PKHD1: variants seen among roughly 807,000 people sequenced by gnomAD.
PKHD1 encodes fibrocystin.
In PKHD1, 291 loss-of-function variants were observed where a neutral mutation model predicts 412.0. The observed-to-expected ratio is 0.71, with a 90% confidence interval of 0.64 to 0.78. The LOEUF is 0.78. Among genes scored for constraint, PKHD1 ranks in the 30% least tolerant of loss-of-function variants. PKHD1 has a pLI of 0.00. For missense variants in PKHD1, 4,825 were observed against 4,950.7 expected (o/e 0.97, Z 0.76); for synonymous variants, 1,777 against 1,821.5 (o/e 0.98, Z 0.62).
intron 63 of PKHD1, among the ~76,000 whole-genome samples, chr6:51,641,369 C>A (rs1414790529): frequency 3.3e-5 from 5 of 152,154 alleles, no homozygotes. Flanking sequence ...CATCTCACAC[C>A]AGTTAGAATG....
At chr6:52,021,290 A>G (rs1445570272) in intron 33 of PKHD1, among the ~76,000 whole-genome samples, 1 of 152,236 alleles carries the variant, frequency 6.6e-6, no homozygotes, top group Non-Finnish European at 1.5e-5. Flanking sequence ...TTCCCCAAGA[A>G]GTTATAAAAC....
At position 51,912,431 on chromosome 6, in the gene PKHD1, C is replaced by T. The variant is rs1399100600; in HGVS notation, c.6267G>A (p.Pro2089=). Reference sequence around the variant, plus strand: ...TTTCCACAGTGACAATCTCTTCCATCGGTTTGGCACCTTTAACACCTGTTC... The same window carrying T: ...TTTCCACAGTGACAATCTCTTCCATTGGTTTGGCACCTTTAACACCTGTTC... The part of the protein sequence containing the change: ...ISGTGVKGAK[P]MEEIVTVETV... Residue 2089 remains proline (P), a synonymous_variant, in exon 38 of 67, where the codon CCG becomes CCA. Transcript: ENST00000371117. The T allele has an allele frequency of 5.0e-6, 8 of 1,612,942 alleles. No individual in the cohort carries two copies. The highest frequency in any genetic ancestry group is 6.8e-6 in the Non-Finnish European group (8 of 1,179,230).
chr6:51,834,692 T>TA, intron 51 of PKHD1, among the ~76,000 whole-genome samples: 1 of 152,186 alleles, frequency 6.6e-6, no homozygotes, highest in Non-Finnish European at 1.5e-5. Flanking sequence ...TCAGGCAATG[T>TA]CTTGAAAGTA....
intron 45 of PKHD1, among the ~76,000 whole-genome samples, chr6:51,884,354 ACT>A (rs1342288407): frequency 5.3e-5 from 8 of 151,858 alleles, no homozygotes; most frequent in African/African-American, 1.9e-4. Flanking sequence ...TTATCTCCAG[ACT>A]CTCACTTCTA....
At chr6:52,012,983 T>C (rs1799992368) in intron 34 of PKHD1, among the ~76,000 whole-genome samples, 1 of 152,224 alleles carries the variant, frequency 6.6e-6, no homozygotes, top group Non-Finnish European at 1.5e-5. Context: ...TCCTCTTTTT[T>C]TTAGGTTCAT....
At chr6:51,913,002 A>G (rs1783202664) in intron 37 of PKHD1, among the ~76,000 whole-genome samples, 1 of 152,094 alleles carries the variant, frequency 6.6e-6, no homozygotes, top group Non-Finnish European at 1.5e-5. Context: ...TCAATGAAAT[A>G]GTATCTATGA....
intron 60 of PKHD1, among the ~76,000 whole-genome samples, chr6:51,674,630 A>G (rs1330714115): frequency 6.6e-6 from 1 of 152,200 alleles, no homozygotes; most frequent in Non-Finnish European, 1.5e-5. Context: ...GCAAAGTTAA[A>G]TGTAGTCTAA....
chr6:52,043,417 T>C (rs1805253304), intron 26 of PKHD1, among the ~76,000 whole-genome samples: 1 of 152,200 alleles, frequency 6.6e-6, no homozygotes, highest in Non-Finnish European at 1.5e-5. Flanking sequence ...AAAACATTTT[T>C]AGTCATCAAA....
At position 51,800,861 on chromosome 6, in the gene PKHD1, G is replaced by A. The variant is rs1020101365; in HGVS notation, c.8303-9488C>T. Among the ~76,000 whole-genome samples, 3 of 152,192 alleles carry A rather than the reference G, an allele frequency of 2.0e-5. No individual in the cohort carries two copies. The East Asian group carries it at 5.8e-4, about 29-fold the overall frequency. Reference sequence around the variant, plus strand: ...GACTTTGGACACAGCTCAGACTTCTGAGGGAGAGCAATGGCATGCCAGGCA... The same window carrying A: ...GACTTTGGACACAGCTCAGACTTCTAAGGGAGAGCAATGGCATGCCAGGCA... On this transcript the variant is annotated intron_variant, in intron 52 of 66. Transcript: ENST00000371117.
At chr6:51,807,411 C>G (rs1763933382) in intron 52 of PKHD1, among the ~76,000 whole-genome samples, 1 of 138,076 alleles carries the variant, frequency 7.2e-6, no homozygotes, top group South Asian at 2.3e-4. Context: ...ACACTCCAGC[C>G]TGGGCAACAG....
intron 66 of PKHD1, among the ~76,000 whole-genome samples, chr6:51,626,271 T>C (rs889737066): frequency 6.6e-6 from 1 of 152,178 alleles, no homozygotes; most frequent in African/African-American, 2.4e-5. Context: ...ATTGACTCTT[T>C]GGAGTATATG....
intron 29 of PKHD1, among the ~76,000 whole-genome samples, chr6:52,030,516 G>C (rs1361656045): frequency 6.6e-6 from 1 of 152,124 alleles, no homozygotes; most frequent in Non-Finnish European, 1.5e-5. Context: ...GCTGATCAAA[G>C]AAAAAGACAT....
In PKHD1 at chr6:51,857,037, T is replaced by C. The variant is rs75017706; in HGVS notation, c.7734-967A>G. ...CTGAGGCAGGGTAGAGCAAAAGCAATATGTGAGTATCACAAAGTAGAACTC... is the reference window on the plus strand; with the variant it reads ...CTGAGGCAGGGTAGAGCAAAAGCAACATGTGAGTATCACAAAGTAGAACTC... On this transcript the variant is annotated intron_variant, in intron 48 of 66. Coordinates refer to ENST00000371117, the MANE Select transcript of PKHD1 (RefSeq NM_138694.4). Among the ~76,000 whole-genome samples the C allele has an allele frequency of 9.7e-3, 1,485 of 152,314 alleles. 27 individuals are homozygous for C. Among genetic ancestry groups the C allele is most frequent in the East Asian group, 0.067 (346 of 5,184 alleles).
chr6:51,652,182 TGAGA>T (rs1199250917), intron 61 of PKHD1, among the ~76,000 whole-genome samples: 3 of 151,992 alleles, frequency 2.0e-5, no homozygotes, highest in Non-Finnish European at 4.4e-5. Context: ...GTTAGGTATG[TGAGA>T]GATTTTTTTT....
intron 60 of PKHD1, among the ~76,000 whole-genome samples, chr6:51,731,417 A>G (rs1475473926): frequency 6.6e-6 from 1 of 152,154 alleles, no homozygotes; most frequent in African/African-American, 2.4e-5. Flanking sequence ...CTCATAAAGG[A>G]TTGTTAACTT....
intron 49 of PKHD1, among the ~76,000 whole-genome samples, chr6:51,852,170 T>C (rs1038430054): frequency 9.9e-5 from 15 of 152,200 alleles, no homozygotes; most frequent in African/African-American, 2.4e-5. Flanking sequence ...CCAGGAGTCA[T>C]TCAGGAGCAG....
chr6:51,743,167 G>T (rs565974911), intron 60 of PKHD1, among the ~76,000 whole-genome samples: 1 of 152,122 alleles, frequency 6.6e-6, no homozygotes, highest in East Asian at 1.9e-4. Flanking sequence ...CATGTGTGAA[G>T]AATAGACTAG....
In PKHD1 at chr6:52,025,143, C is replaced by A. The variant is rs1254583843; in HGVS notation, c.4667G>T (p.Arg1556Ile). Residue 1556 changes from arginine to isoleucine, a missense_variant, in exon 32 of 67, where the codon AGA (arginine) becomes ATA (isoleucine). Coordinates refer to ENST00000371117, the MANE Select transcript of PKHD1 (RefSeq NM_138694.4). ...GPHYLSVFYT[R>I]NGYACSGNVS... The stretch of plus-strand genomic sequence containing the variant: ...ATTACCAGAACAAGCATACCCATTT[C>A]TTGTATAAAAAACTGACAGGTAGTG... The A allele has an allele frequency of 6.2e-7, 1 of 1,614,106 alleles. No homozygotes were observed. Among genetic ancestry groups the A allele is most frequent in the Admixed American group, 1.7e-5 (1 of 60,026 alleles).
intron 46 of PKHD1, among the ~76,000 whole-genome samples, chr6:51,880,779 T>TAAAAAAAAAAAAAAAAAAAAA (rs71544105): frequency 5.0e-4 from 15 of 30,042 alleles, no homozygotes; most frequent in Admixed American, 8.5e-4. Context: ...AAAAAAAAAT[T>TAAAAAAAAAAAAAAAAAAAAA]AAAAAAAAAA....
Sources: gnomAD v4.1 joint callset for allele counts (sites outside exome capture counted in the v4.1 genomes callset) on GRCh38, gnomAD v4.1.1 for gene constraint, MANE v1.5 for transcripts, NCBI Gene and HGNC (gene_info 2026-07-23, HGNC 2026-07-21) for gene names.